Variants in ZNF560 observed in about 807,000 individuals in gnomAD.
ZNF560 encodes the protein zinc finger protein 560.
ZNF560 carries 54 observed loss-of-function variants against 81.8 expected under a neutral mutation model. That is an observed-to-expected ratio of 0.66 (90% confidence interval 0.53 to 0.83). The LOEUF is 0.83. Ranked by LOEUF, ZNF560 falls within the 40% of genes least tolerant of loss-of-function variation. The pLI is 0.00. For synonymous variants in ZNF560, 321 were observed against 317.9 expected (o/e 1.01, Z -0.10); for missense variants, 940 against 932.4 (o/e 1.01, Z -0.11).
chr19:9,484,627 CAAAAAA>C lies in ZNF560; in HGVS notation c.-56-9264_-56-9259del, dbSNP rs60283585. 1.6e-4 allele frequency among the ~76,000 whole-genome samples: 13 copies of C among 79,730 alleles called. 1 individual carries two copies. Among genetic ancestry groups the C allele is most frequent in the African/African-American group, 4.6e-4 (12 of 26,170 alleles). 52.3% of individuals were successfully genotyped at this position (79,730 alleles called of 152,430 possible). On this transcript the variant is annotated intron_variant, in intron 2 of 9. Coordinates refer to ENST00000301480, the MANE Select transcript of ZNF560 (RefSeq NM_152476.3). ...TGAAACCCTGTCTCTACCGAAAATA[CAAAAAA>C]AAAAAAAAAAAAATTAGCCAGGCGT...
Position 9,473,223 on chromosome 19 carries a change from A to C in ZNF560, c.194T>G (p.Leu65Trp), listed in dbSNP as rs1163367691. The stretch of plus-strand genomic sequence containing the variant: ...CAAGGTTCTCAACTCTTCTTCTTCC[A>C]ACCAAGAGATGACACTGGGTTTAAA... ...QLFKPSVISWLEEEELRTLQQ... is the reference protein window; with the variant it reads ...QLFKPSVISWWEEEELRTLQQ... The change falls in exon 5 of 10, where the codon TTG becomes TGG. Residue 65 changes from leucine (L) to tryptophan (W), a missense_variant. Leu to Trp is a moderately conservative substitution (Grantham distance 61, BLOSUM62 -2). Coordinates refer to ENST00000301480, the MANE Select transcript of ZNF560 (RefSeq NM_152476.3). 3.1e-6 allele frequency: 5 copies of C among 1,612,742 alleles called. No homozygotes were observed. The highest frequency in any genetic ancestry group is 1.7e-5 in the Admixed American group (1 of 59,700).
chr19:9,447,443 G>A, the ZNF560 span, among the ~76,000 whole-genome samples: 4 of 152,108 alleles, frequency 2.6e-5, no homozygotes, highest in Non-Finnish European at 5.9e-5. Context: ...CTACAGGGAA[G>A]CTCAGCTAGA....
chr19:9,475,421 T>C, intron 2 of ZNF560, 52 bp from the exon 3 acceptor site: 2 of 1,053,574 alleles, frequency 1.9e-6, no homozygotes, highest in South Asian at 1.4e-5. Flanking sequence ...GTTCCAACAT[T>C]CGCATGCATG....
chr19:9,498,002 C>T (rs1346023911), intron 2 of ZNF560, 126 bp downstream of exon 2: 1 of 152,140 alleles, frequency 6.6e-6, no homozygotes, highest in African/African-American at 2.4e-5. Context: ...TCTACCGGAA[C>T]GTAATGTGTC....
In ZNF560 at chr19:9,475,388, A is replaced by C; in HGVS notation, c.-56-19T>G. 4 of 1,446,128 alleles carry C rather than the reference A, an allele frequency of 2.8e-6. No individual in the cohort carries two copies. Among genetic ancestry groups the C allele is most frequent in the Non-Finnish European group, 3.9e-6 (4 of 1,035,316 alleles). 89.6% of individuals were successfully genotyped at this position (1,446,128 alleles called of 1,614,324 possible). A position where few individuals can be genotyped will look rare whatever the true frequency, so the allele number is the denominator to read the frequency against. On this transcript the variant is annotated intron_variant, in intron 2 of 9. Coordinates refer to ENST00000301480, the MANE Select transcript of ZNF560 (RefSeq NM_152476.3). ...GAAAGACCTGGAAAAGAAAGAAGGCATAAGAGCCCAGACATAATCACAGTT... is the reference window on the plus strand; with the variant it reads ...GAAAGACCTGGAAAAGAAAGAAGGCCTAAGAGCCCAGACATAATCACAGTT...
Position 9,470,477 on chromosome 19 carries a change from CT to C in ZNF560, c.362del (p.Gln121ArgfsTer18). The C allele has an allele frequency of 6.2e-7, 1 of 1,614,170 alleles. No homozygotes were observed. Among genetic ancestry groups the C allele is most frequent in the Non-Finnish European group, 8.5e-7 (1 of 1,180,032 alleles). ...CTGGGTCCAGTAAAGTCCACTCTTC[CT>C]GGGTGAACTCCACAGCCACACTGTC... ...TFDSVAVEFT[Q>X]EEWTLLDPAQ... is the part of the protein sequence containing the mutation. On this transcript the variant is annotated frameshift_variant, in exon 7 of 10. Transcript: ENST00000301480. LOFTEE classifies it high-confidence loss of function.
intron 2 of ZNF560, among the ~76,000 whole-genome samples, chr19:9,487,028 T>C (rs900846383): frequency 2.0e-5 from 3 of 151,212 alleles, no homozygotes; most frequent in African/African-American, 7.3e-5. Context: ...TCCTTTGTTT[T>C]CCCTTGTCTT....
In ZNF560 at chr19:9,468,413, T is replaced by C. The variant is rs2073068850; in HGVS notation, c.613-79A>G. ...GATACCACTCTTCTAAGAAACATGA[T>C]AATTATTATTTTTGCCACTTTTATA... On this transcript the variant is annotated intron_variant, in intron 9 of 9. Transcript: ENST00000301480. 3 of 1,154,562 alleles carry C rather than the reference T, an allele frequency of 2.6e-6. No individual in the cohort carries two copies. The South Asian group carries it at 5.0e-5, about 19-fold the overall frequency. 71.5% of individuals were successfully genotyped at this position (1,154,562 alleles called of 1,614,324 possible). A position where few individuals can be genotyped will look rare whatever the true frequency, so the allele number is the denominator to read the frequency against.
At chr19:9,480,562 A>G (rs2073271244) in intron 2 of ZNF560, among the ~76,000 whole-genome samples, 1 of 152,122 alleles carries the variant, frequency 6.6e-6, no homozygotes, top group East Asian at 1.9e-4. Flanking sequence ...AATAAATGAA[A>G]CTAAAAAAAA....
the ZNF560 span, among the ~76,000 whole-genome samples, chr19:9,446,790 A>C: frequency 6.6e-6 from 1 of 152,164 alleles, no homozygotes; most frequent in African/African-American, 2.4e-5. Flanking sequence ...ATATCTAGAG[A>C]TATTCACCTG....
At chr19:9,465,458 T>C (rs1340947600), downstream of ZNF560, among the ~76,000 whole-genome samples, 1 of 152,190 alleles carries the variant, frequency 6.6e-6, no homozygotes, top group Non-Finnish European at 1.5e-5. Context: ...GTTTCTAACA[T>C]TGTACAGCTT....
chr19:9,456,404 A>G, the ZNF560 span, among the ~76,000 whole-genome samples: 2 of 152,236 alleles, frequency 1.3e-5, no homozygotes, highest in Admixed American at 6.5e-5. Context: ...TAAAAGGCAG[A>G]ACCGGGAGAG....
Position 9,471,450 on chromosome 19 carries a change from A to T in ZNF560, c.239-72T>A, listed in dbSNP as rs1178224009. ...AGGTAAAATGAAAGAGTTAAAAATT[A>T]TAGGCCTCATTCATATTTGTTTTTA... On this transcript the variant is annotated intron_variant, in intron 5 of 9. Transcript: ENST00000301480. The T allele has an allele frequency of 8.2e-6, 8 of 976,814 alleles. No individual in the cohort carries two copies. In the South Asian group the frequency reaches 1.6e-4, roughly 19 times the overall value. 60.5% of individuals were successfully genotyped at this position (976,814 alleles called of 1,614,324 possible).
chr19:9,494,910 A>G (rs1166864805), intron 2 of ZNF560, among the ~76,000 whole-genome samples: 3 of 150,934 alleles, frequency 2.0e-5, no homozygotes, highest in Non-Finnish European at 4.4e-5. Context: ...CGTCTCAAAA[A>G]AAAACAAACA....
chr19:9,488,801 C>T (rs73020147), intron 2 of ZNF560, among the ~76,000 whole-genome samples: 15,544 of 152,166 alleles, frequency 0.1, 954 homozygotes, highest in South Asian at 0.2. Context: ...GAACTGTAGT[C>T]CCCAGTGTTG....
chr19:9,485,206 T>C (rs2073366043), intron 2 of ZNF560, among the ~76,000 whole-genome samples: 1 of 152,020 alleles, frequency 6.6e-6, no homozygotes, highest in Non-Finnish European at 1.5e-5. Context: ...TCCAAAAAAC[T>C]GAAGAAGGAT....
the ZNF560 span, among the ~76,000 whole-genome samples, chr19:9,503,886 A>C: frequency 6.6e-6 from 1 of 152,212 alleles, no homozygotes; most frequent in Non-Finnish European, 1.5e-5. Context: ...ATGGAGTATA[A>C]AGTGATATTA....
At chr19:9,457,622 TTTAA>T in the ZNF560 span, among the ~76,000 whole-genome samples, 1 of 152,180 alleles carries the variant, frequency 6.6e-6, no homozygotes, top group African/African-American at 2.4e-5. Flanking sequence ...CTCATGCCAG[TTTAA>T]TTATAGCTCC....
intron 6 of ZNF560, 115 bp downstream of exon 6, chr19:9,471,181 C>T: frequency 1.5e-6 from 1 of 680,260 alleles, no homozygotes; most frequent in Non-Finnish European, 2.3e-6. Context: ...AGAGACATTG[C>T]TCCCTCTTGA....
Sources: allele counts gnomAD v4.1 joint callset (sites outside exome capture counted in the v4.1 genomes callset), GRCh38; gene constraint gnomAD v4.1.1; transcripts MANE v1.5; gene names NCBI Gene and HGNC (gene_info 2026-07-23, HGNC 2026-07-21).